DTNA: variants seen among roughly 807,000 people sequenced by gnomAD.
DTNA encodes dystrobrevin alpha, also known as dystrophin-related protein 3.
A neutral mutation model predicts 100.7 loss-of-function variants in DTNA; 43 were observed. The observed-to-expected ratio is 0.43, with a 90% CI of 0.33 to 0.55. The LOEUF (loss-of-function observed/expected upper bound fraction) is 0.55, where lower values mean the gene tolerates loss of function less well. DTNA is among the 20% of genes least tolerant of loss of function. DTNA has a pLI of 0.04. For missense variants in DTNA, 798 were observed against 953.9 expected (o/e 0.84, Z 2.15); for synonymous variants, 349 against 347.9 (o/e 1.00, Z -0.04).
intron 1 of DTNA, among the ~76,000 whole-genome samples, chr18:34,638,173 T>G (rs1314039477): frequency 6.6e-6 from 1 of 152,226 alleles, no homozygotes; most frequent in African/African-American, 2.4e-5. Flanking sequence ...GATGCTTGCC[T>G]TTTCTATGCT....
At chr18:34,845,698 T>G (rs372432773) in intron 13 of DTNA, among the ~76,000 whole-genome samples, 137 of 152,326 alleles carry the variant, frequency 9.0e-4, no homozygotes, top group African/African-American at 2.9e-3. Flanking sequence ...TAACTTTCTC[T>G]TTTTCATTGA....
chr18:34,766,138 C>G, intron 3 of DTNA, 97 bp downstream of exon 3: 1 of 1,329,654 alleles, frequency 7.5e-7, no homozygotes, highest in Non-Finnish European at 1.1e-6. Flanking sequence ...ACAAATATTG[C>G]TAATATTGTT....
intron 1 of DTNA, among the ~76,000 whole-genome samples, chr18:34,714,038 GCTGAAACTGGATCC>G (rs1356461533): frequency 6.6e-6 from 1 of 151,094 alleles, no homozygotes; most frequent in African/African-American, 2.4e-5. Context: ...TATGTAGAAA[GCTGAAACTGGATCC>G]CTTCCTTACA....
At chr18:34,606,394 C>CA (rs1221474597) in intron 1 of DTNA, among the ~76,000 whole-genome samples, 1 of 152,026 alleles carries the variant, frequency 6.6e-6, no homozygotes, top group Non-Finnish European at 1.5e-5. Flanking sequence ...TATTTCACAA[C>CA]AAAAAATGAG....
At chr18:34,638,759 T>C (rs1389539864) in intron 1 of DTNA, among the ~76,000 whole-genome samples, 2 of 152,198 alleles carry the variant, frequency 1.3e-5, no homozygotes, top group Non-Finnish European at 2.9e-5. Context: ...GGAAAATAGG[T>C]TCGAGTAATT....
At chr18:34,733,993 C>G (rs1177885928) in intron 1 of DTNA, among the ~76,000 whole-genome samples, 1 of 152,190 alleles carries the variant, frequency 6.6e-6, no homozygotes, top group Non-Finnish European at 1.5e-5. Flanking sequence ...TTATCCCACA[C>G]CTTTAAAATC....
At chr18:34,877,077 C>T (rs1046337077) in intron 18 of DTNA, among the ~76,000 whole-genome samples, 3 of 152,074 alleles carry the variant, frequency 2.0e-5, no homozygotes, top group Non-Finnish European at 2.9e-5. Flanking sequence ...AGTCTAAGTT[C>T]CAATTTATAG....
intron 1 of DTNA, among the ~76,000 whole-genome samples, chr18:34,670,758 T>C (rs1223903502): frequency 6.6e-6 from 1 of 152,184 alleles, no homozygotes; most frequent in Non-Finnish European, 1.5e-5. Context: ...ATAGCAGATG[T>C]TGCTGTCTGA....
intron 3 of DTNA, among the ~76,000 whole-genome samples, chr18:34,771,114 C>A (rs542973738): frequency 2.0e-4 from 30 of 152,220 alleles, no homozygotes; most frequent in Admixed American, 1.8e-3. Context: ...TGTGTAAATT[C>A]TTTTTCTCTC....
chr18:34,545,589 T>C (rs999954414), intron 1 of DTNA, among the ~76,000 whole-genome samples: 3 of 152,072 alleles, frequency 2.0e-5, no homozygotes, highest in African/African-American at 7.2e-5. Context: ...AACATTGAAA[T>C]GGTTAGTAGT....
chr18:34,685,952 T>C (rs1406073980), intron 1 of DTNA, among the ~76,000 whole-genome samples: 1 of 152,204 alleles, frequency 6.6e-6, no homozygotes, highest in African/African-American at 2.4e-5. Context: ...CTATTACTGG[T>C]GTATAGGAAT....
chr18:34,591,440 G>A (rs1419992274), intron 1 of DTNA, among the ~76,000 whole-genome samples: 1 of 152,144 alleles, frequency 6.6e-6, no homozygotes, highest in Non-Finnish European at 1.5e-5. Flanking sequence ...CATTTTTTGA[G>A]TATCAGTTAT....
chr18:34,804,487 T>G (rs988659641), intron 4 of DTNA, among the ~76,000 whole-genome samples: 6 of 152,122 alleles, frequency 3.9e-5, no homozygotes, highest in African/African-American at 1.4e-4. Context: ...GGGAATGGAT[T>G]CAACATACAG....
At chr18:34,628,700 A>G (rs1006309308) in intron 1 of DTNA, among the ~76,000 whole-genome samples, 2 of 152,348 alleles carry the variant, frequency 1.3e-5, no homozygotes, top group African/African-American at 2.4e-5. Context: ...TAGCTAAAGC[A>G]GAAAGATGTA....
intron 1 of DTNA, among the ~76,000 whole-genome samples, chr18:34,553,959 TA>T (rs1417723129): frequency 1.3e-5 from 2 of 149,670 alleles, no homozygotes; most frequent in Non-Finnish European, 3.0e-5. Flanking sequence ...ATCTGTAAAT[TA>T]CCTTGGGCAG....
chr18:34,685,695 G>C (rs1478995939), intron 1 of DTNA, among the ~76,000 whole-genome samples: 1 of 152,148 alleles, frequency 6.6e-6, no homozygotes, highest in Non-Finnish European at 1.5e-5. Flanking sequence ...GTAGCTTGAT[G>C]GGAATGGCAT....
At chr18:34,784,215 A>G (rs2094435290) in intron 3 of DTNA, among the ~76,000 whole-genome samples, 1 of 152,220 alleles carries the variant, frequency 6.6e-6, no homozygotes, top group Non-Finnish European at 1.5e-5. Context: ...GTAGTCTGAA[A>G]ATGAAATTAA....
intron 11 of DTNA, 58 bp downstream of exon 11, chr18:34,829,547 A>G: frequency 7.0e-7 from 1 of 1,418,652 alleles, no homozygotes; most frequent in South Asian, 1.5e-5. Context: ...CTAGACTGAT[A>G]AGTCATTCTA....
At chr18:34,649,770 A>AT (rs1302088944) in intron 1 of DTNA, among the ~76,000 whole-genome samples, 7 of 151,860 alleles carry the variant, frequency 4.6e-5, no homozygotes, top group Non-Finnish European at 1.5e-5. Context: ...CTGTTTTAAG[A>AT]TTTTTTCAAA....
Sources: gnomAD v4.1 joint callset for allele counts (sites outside exome capture counted in the v4.1 genomes callset) on GRCh38, gnomAD v4.1.1 for gene constraint, MANE v1.5 for transcripts, NCBI Gene and HGNC (gene_info 2026-07-23, HGNC 2026-07-21) for gene names.